The following HOXB3 variants were observed in gnomAD, a reference collection of about 807,000 sequenced individuals.
HOXB3 encodes the protein homeobox B3, also known as homeobox protein Hox-B3.
A neutral mutation model predicts 29.2 loss-of-function variants in HOXB3; 17 were observed. That is an observed-to-expected ratio of 0.58 (90% CI 0.40 to 0.87). The LOEUF is 0.87. Among genes scored for constraint, HOXB3 ranks in the 40% least tolerant of loss-of-function variants. The probability of loss-of-function intolerance (pLI) is 0.00; values close to 1 mark genes in which losing one functional copy is unlikely to be tolerated. For synonymous variants in HOXB3, 317 were observed against 285.9 expected (o/e 1.11, Z -1.10); for missense variants, 637 against 616.3 (o/e 1.03, Z -0.35).
chr17:48,568,026 T>C (rs1040317934), intron 2 of HOXB3, among the ~76,000 whole-genome samples: 11 of 152,208 alleles, frequency 7.2e-5, no homozygotes, highest in African/African-American at 2.7e-4. Context: ...GCTTTAATAA[T>C]GTAACGGAAC....
In HOXB3 at chr17:48,550,881, T is replaced by C. The variant is rs563790203; in HGVS notation, c.749A>G (p.Lys250Arg). Residue 250 changes from lysine (K) to arginine (R), a missense_variant, in exon 5 of 5, where the codon AAG (lysine) becomes AGG (arginine). Lys to Arg is a conservative substitution (Grantham distance 26, BLOSUM62 2). Coordinates refer to ENST00000498678, the MANE Select transcript of HOXB3 (RefSeq NM_001384749.1). ...RMKYKKDQKA[K>R]GLASSSGGPS... ...GCCCCCCGACGACGAGGCCAATCCC[T>C]TGGCCTTCTGGTCCTTCTTGTACTT... The C allele has an allele frequency of 5.0e-6, 8 of 1,613,840 alleles. No homozygotes were observed. The South Asian group carries it at 6.6e-5, about 13-fold the overall frequency.
Position 48,552,281 on chromosome 17 carries a change from T to A in HOXB3, c.194A>T (p.Lys65Met). 6.2e-7 allele frequency: 1 copy of A among 1,613,962 alleles called. No individual in the cohort carries two copies. The highest frequency in any genetic ancestry group is 8.5e-7 in the Non-Finnish European group (1 of 1,179,946). ...GCAGCTGCCGTTGAGCTCCTTGCTC[T>A]TGGCATGTGGGGCAGCGTTGCCCAG... ...QSLGNAAPHAKSKELNGSCMR... is the reference protein window; with the variant it reads ...QSLGNAAPHAMSKELNGSCMR... Residue 65 changes from lysine (K) to methionine (M), a missense_variant, in exon 4 of 5, where the codon AAG becomes ATG. Lys to Met is a moderately conservative substitution (Grantham distance 95). Transcript: ENST00000498678.
chr17:48,551,799 C>G (rs2068757122), intron 4 of HOXB3, among the ~76,000 whole-genome samples: 1 of 152,212 alleles, frequency 6.6e-6, no homozygotes, highest in South Asian at 2.1e-4. Flanking sequence ...AGGCCACGCA[C>G]TGGGCCTTCT....
chr17:48,551,929 A>G, intron 4 of HOXB3, 98 bp downstream of exon 4: 1 of 1,167,644 alleles, frequency 8.6e-7, no homozygotes, highest in Non-Finnish European at 1.2e-6. Context: ...TATTGTTCCC[A>G]GGCAGCCTCG....
chr17:48,577,157 A>G (rs1195335561), intron 1 of HOXB3: 2 of 880,214 alleles, frequency 2.3e-6, no homozygotes, highest in African/African-American at 1.7e-5. Flanking sequence ...AGAGCGGGGA[A>G]AAACGAAAAG....
chr17:48,580,241 G>T (rs2069900593), intron 1 of HOXB3: 2 of 203,500 alleles, frequency 9.8e-6, no homozygotes, highest in African/African-American at 2.4e-5. Flanking sequence ...AAGGAGGAAG[G>T]GTCATTCTGA....
At chr17:48,585,359 G>A (rs1338230096) in intron 1 of HOXB3, among the ~76,000 whole-genome samples, 2 of 152,362 alleles carry the variant, frequency 1.3e-5, no homozygotes, top group Middle Eastern at 3.4e-3. Flanking sequence ...CATTTCTGGG[G>A]TGAAGGGTGG....
At chr17:48,556,550 TAAAAAAAAAAA>T (rs79367380) in intron 2 of HOXB3, 1 of 127,368 alleles carries the variant, frequency 7.9e-6, no homozygotes, top group Non-Finnish European at 1.6e-5. Context: ...GACCAGAACT[TAAAAAAAAAAA>T]AAAAAAAAAA....
Position 48,552,349 on chromosome 17 carries a change from G to T in HOXB3, c.126C>A (p.His42Gln). 1 of 1,614,014 alleles carries T rather than the reference G, an allele frequency of 6.2e-7. No individual in the cohort carries two copies. The highest frequency in any genetic ancestry group is 8.5e-7 in the Non-Finnish European group (1 of 1,179,938). ...PPQPPFQAATHLEGDYQRSAC... is the reference protein window; with the variant it reads ...PPQPPFQAATQLEGDYQRSAC... ...CTGAGCGCTGGTAGTCGCCCTCCAG[G>T]TGCGTGGCGGCCTGAAATGGGGGTT... is the stretch of plus-strand genomic sequence containing the variant. The change falls in exon 4 of 5, where the codon CAC (histidine) becomes CAA (glutamine). Residue 42 changes from histidine (H) to glutamine (Q), a missense_variant. By Grantham distance (24) the His-to-Gln change is conservative (BLOSUM62 0). Coordinates refer to ENST00000498678, the MANE Select transcript of HOXB3 (RefSeq NM_001384749.1).
intron 2 of HOXB3, among the ~76,000 whole-genome samples, chr17:48,571,506 G>C (rs1366970549): frequency 1.3e-5 from 2 of 152,228 alleles, no homozygotes; most frequent in Non-Finnish European, 2.9e-5. Flanking sequence ...GGATTGTCTG[G>C]AGTGAAGGAA....
intron 2 of HOXB3, chr17:48,557,027 A>C (rs1284743331): frequency 6.6e-6 from 1 of 152,358 alleles, no homozygotes; most frequent in African/African-American, 2.4e-5. Flanking sequence ...GGCAAGGAGG[A>C]GGCCTGTAGG....
At position 48,552,554 on chromosome 17, in the gene HOXB3, G is replaced by A. The variant is rs1420701135; in HGVS notation, c.-80C>T. 2 of 1,130,562 alleles carry A rather than the reference G, an allele frequency of 1.8e-6. No individual in the cohort carries two copies. Among genetic ancestry groups the A allele is most frequent in the Non-Finnish European group, 2.5e-6 (2 of 809,026 alleles). The allele number at this position is 1,130,562 out of a possible 1,614,324, so 70.0% of individuals were successfully genotyped here. ...GGACCGGACATTGGCAACCCTGGGGGTCACGTGACACGCCGGACCCCCCCC... is the reference window on the plus strand; with the variant it reads ...GGACCGGACATTGGCAACCCTGGGGATCACGTGACACGCCGGACCCCCCCC... On this transcript the variant is annotated 5_prime_UTR_variant, in exon 4 of 5. Transcript: ENST00000498678.
intron 1 of HOXB3, among the ~76,000 whole-genome samples, chr17:48,584,943 A>G (rs1299171892): frequency 1.8e-5 from 1 of 55,696 alleles, no homozygotes; most frequent in Non-Finnish European, 3.8e-5. Flanking sequence ...CCCCGCCGCT[A>G]GTCGCCTCCG....
chr17:48,552,570 G>GAC lies in HOXB3; in HGVS notation c.-98_-97dup. 4.1e-6 allele frequency: 3 copies of GAC among 736,960 alleles called. No homozygotes were observed. Among genetic ancestry groups the GAC allele is most frequent in the Non-Finnish European group, 5.8e-6 (3 of 518,630 alleles). 45.7% of individuals were successfully genotyped at this position (736,960 alleles called of 1,614,324 possible). A position where few individuals can be genotyped will look rare whatever the true frequency, so the allele number is the denominator to read the frequency against. On this transcript the variant is annotated 5_prime_UTR_variant, in exon 4 of 5. It introduces an in-frame stop codon into an upstream open reading frame of the 5' UTR. Transcript: ENST00000498678. ...ACCCTGGGGGTCACGTGACACGCCGGACCCCCCCCCCCCACCTCCCCTCTC... is the reference window on the plus strand; with the variant it reads ...ACCCTGGGGGTCACGTGACACGCCGGACACCCCCCCCCCCCACCTCCCCTCTC...
chr17:48,572,699 CG>C (rs2069624259), intron 2 of HOXB3, among the ~76,000 whole-genome samples: 1 of 152,136 alleles, frequency 6.6e-6, no homozygotes, highest in Non-Finnish European at 1.5e-5. Flanking sequence ...AAAATCTTTA[CG>C]TTTTTTTCCC....
chr17:48,582,019 C>T (rs2069954302), intron 1 of HOXB3: 1 of 152,330 alleles, frequency 6.6e-6, no homozygotes, highest in African/African-American at 2.4e-5. Flanking sequence ...AGCCACCTCC[C>T]CTGCGCTCCC....
At chr17:48,578,092 A>G (rs1409342651) in intron 1 of HOXB3, 7 of 633,716 alleles carry the variant, frequency 1.1e-5, no homozygotes, top group Non-Finnish European at 1.1e-5. Flanking sequence ...GTGGTGGCGG[A>G]GGCGGCGGGG....
chr17:48,555,273 G>T (rs1260356309), intron 3 of HOXB3: 1 of 539,246 alleles, frequency 1.9e-6, no homozygotes, highest in Non-Finnish European at 3.3e-6. Context: ...TCTGGCTGCT[G>T]AAAGAAAAGA....
Position 48,552,619 on chromosome 17 carries a change from T to A in HOXB3, c.-145A>T. On this transcript the variant is annotated 5_prime_UTR_variant, in exon 4 of 5. Transcript: ENST00000498678. ...TCTGCCCCCCTCCTCCGGGGTCTGT[T>A]CCAAGCGGCTGACCTGCGAGGCGAG... 1 of 613,528 alleles carries A rather than the reference T, an allele frequency of 1.6e-6. No individual in the cohort carries two copies. Among genetic ancestry groups the A allele is most frequent in the East Asian group, 2.9e-5 (1 of 33,986 alleles). The allele number at this position is 613,528 out of a possible 1,614,324, so 38.0% of individuals were successfully genotyped here.
Sources: allele counts gnomAD v4.1 joint callset (sites outside exome capture counted in the v4.1 genomes callset), GRCh38; gene constraint gnomAD v4.1.1; transcripts MANE v1.5; gene names NCBI Gene and HGNC (gene_info 2026-07-23, HGNC 2026-07-21).